Variants in NEK10 observed in about 807,000 individuals in gnomAD.
NEK10 encodes the protein serine/threonine-protein kinase Nek10.
A neutral mutation model predicts 159.8 loss-of-function variants in NEK10; 122 were observed. That is an observed-to-expected ratio of 0.76 (90% CI 0.66 to 0.89). NEK10 has a LOEUF of 0.89. Ranked by LOEUF, NEK10 falls within the 40% of genes least tolerant of loss-of-function variation. The pLI is 0.00. For synonymous variants in NEK10, 466 were observed against 457.1 expected (o/e 1.02, Z -0.25); for missense variants, 1,342 against 1,323.1 (o/e 1.01, Z -0.22).
At position 27,266,259 on chromosome 3, in the gene NEK10, G is replaced by T. The variant is rs2040883173; in HGVS notation, c.2015-9888C>A. 2.0e-5 allele frequency among the ~76,000 whole-genome samples: 3 copies of T among 152,066 alleles called. No homozygotes were observed. In the South Asian group the frequency reaches 6.2e-4, roughly 32 times the overall value. On this transcript the variant is annotated intron_variant, in intron 22 of 35. Transcript: ENST00000691995. ...ATGCTGTCTAAGAAATATTTGCCTA[G>T]CCCAATACTGCAAAGACTATATCCA...
chr3:27,228,142 C>A (rs1952830357), intron 23 of NEK10, among the ~76,000 whole-genome samples: 1 of 152,118 alleles, frequency 6.6e-6, no homozygotes, highest in African/African-American at 2.4e-5. Flanking sequence ...CTAAGAAAAA[C>A]TTTCTGTCCT....
At chr3:27,120,110 C>T (rs904884890) in intron 32 of NEK10, among the ~76,000 whole-genome samples, 2 of 152,048 alleles carry the variant, frequency 1.3e-5, no homozygotes. Context: ...AAAAAATATA[C>T]TTTATGGCCT....
intron 31 of NEK10, among the ~76,000 whole-genome samples, chr3:27,134,727 T>C (rs2125537610): frequency 6.6e-6 from 1 of 152,344 alleles, no homozygotes; most frequent in African/African-American, 2.4e-5. Context: ...TTGATCTTAC[T>C]GGAATAATTA....
intron 29 of NEK10, among the ~76,000 whole-genome samples, chr3:27,167,955 C>T (rs1377790794): frequency 6.6e-6 from 1 of 152,148 alleles, no homozygotes; most frequent in African/African-American, 2.4e-5. Context: ...AAAGCATATC[C>T]TAAGTTATTA....
intron 1 of NEK10, among the ~76,000 whole-genome samples, chr3:27,366,191 C>T (rs1291013945): frequency 1.3e-5 from 2 of 152,070 alleles, no homozygotes; most frequent in Non-Finnish European, 2.9e-5. Context: ...TGTTCACAAC[C>T]ACCCCATTTT....
rs199917774 is a variant in NEK10 at position 27,239,870 on chromosome 3, AT to A, written c.2090+16425del. Among the ~76,000 whole-genome samples the A allele has an allele frequency of 1.2e-4, 18 of 151,968 alleles. No homozygotes were observed. The South Asian group carries it at 3.5e-3, about 30-fold the overall frequency. ...CTTCAATTATATGTAGGAACACTAG[AT>A]TTTTTTTTATTTTCTGGCTATAGAA... On this transcript the variant is annotated intron_variant, in intron 23 of 35. Coordinates refer to ENST00000691995, the MANE Select transcript of NEK10 (RefSeq NM_001394966.1).
rs765940649 is a variant in NEK10, at chr3:27,304,799, C to CATTCTCA, written c.975_976insTGAGAAT (p.Val326Ter). Reference sequence around the variant, plus strand: ...ATGCCTCCCCAAATGCGAATTTCCACGCTGGTCTCAGGGTCCTCACAAACC... The same window carrying CATTCTCA: ...ATGCCTCCCCAAATGCGAATTTCCACATTCTCAGCTGGTCTCAGGGTCCTCACAAACC... On this transcript the variant is annotated stop_gained and frameshift_variant, in exon 12 of 36. Coordinates refer to ENST00000691995, the MANE Select transcript of NEK10 (RefSeq NM_001394966.1). LOFTEE classifies it high-confidence loss of function. 1.9e-5 allele frequency: 30 copies of CATTCTCA among 1,613,804 alleles called. No homozygotes were observed. In the African/African-American group the frequency reaches 3.7e-4, roughly 20 times the overall value.
At chr3:27,150,273 A>T (rs1944702876) in intron 30 of NEK10, among the ~76,000 whole-genome samples, 1 of 152,232 alleles carries the variant, frequency 6.6e-6, no homozygotes, top group South Asian at 2.1e-4. Flanking sequence ...TACACTAAAC[A>T]ATAGATTTTC....
intron 22 of NEK10, among the ~76,000 whole-genome samples, chr3:27,262,030 A>T (rs1347176540): frequency 6.6e-6 from 1 of 152,104 alleles, no homozygotes; most frequent in East Asian, 1.9e-4. Context: ...GTTTTATCAG[A>T]GACTAGGATT....
At chr3:27,162,129 T>TGG in intron 30 of NEK10, 2 of 251,968 alleles carry the variant, frequency 7.9e-6, no homozygotes, top group South Asian at 8.5e-5. Context: ...AGGTGTAGAG[T>TGG]TTACAGAAAT....
intron 22 of NEK10, among the ~76,000 whole-genome samples, chr3:27,258,166 A>G (rs961858169): frequency 1.1e-4 from 16 of 152,266 alleles, no homozygotes; most frequent in East Asian, 5.8e-4. Flanking sequence ...TAAACAGAAT[A>G]GTATGAAAGT....
Position 27,342,688 on chromosome 3 carries a change from A to C in NEK10, c.362+1584T>G, listed in dbSNP as rs572161160. 4.3e-4 allele frequency among the ~76,000 whole-genome samples: 66 copies of C among 152,254 alleles called. 2 individuals are homozygous for C. The highest frequency in any genetic ancestry group is 1.5e-5 in the Non-Finnish European group (1 of 68,002). ...AGAATTGTTGAGATCTTTTTCAACT[A>C]GTTGATGCCAACCAGTGCCCGGTTA... On this transcript the variant is annotated intron_variant, in intron 5 of 35. Transcript: ENST00000691995.
intron 1 of NEK10, among the ~76,000 whole-genome samples, chr3:27,366,363 C>T (rs985088283): frequency 6.6e-6 from 1 of 152,166 alleles, no homozygotes; most frequent in Non-Finnish European, 1.5e-5. Flanking sequence ...GAGAATAGTG[C>T]CTTTGTTTTG....
At chr3:27,243,713 C>CA (rs1283770481) in intron 23 of NEK10, among the ~76,000 whole-genome samples, 7 of 152,286 alleles carry the variant, frequency 4.6e-5, no homozygotes, top group African/African-American at 1.7e-4. Context: ...TCGAGTTCTG[C>CA]AGCTCTGTGC....
At chr3:27,132,668 T>G (rs1209852909) in intron 31 of NEK10, among the ~76,000 whole-genome samples, 1 of 152,146 alleles carries the variant, frequency 6.6e-6, no homozygotes, top group African/African-American at 2.4e-5. Context: ...GCTTTGTAGG[T>G]TGGATCTCTA....
rs1318835165 is a variant in NEK10 at position 27,304,977 on chromosome 3, A to T, written c.804-6T>A. On this transcript the variant is annotated splice_polypyrimidine_tract_variant and splice_region_variant and intron_variant, in intron 11 of 35. Transcript: ENST00000691995. ...GCAGCAACTCCGCTGTTAGTCTGAAAGGGGTACAGAGGGTGGGGTGAGAAT... is the reference window on the plus strand; with the variant it reads ...GCAGCAACTCCGCTGTTAGTCTGAATGGGGTACAGAGGGTGGGGTGAGAAT... 1 of 1,563,512 alleles carries T rather than the reference A, an allele frequency of 6.4e-7. No individual in the cohort carries two copies. The highest frequency in any genetic ancestry group is 1.1e-5 in the South Asian group (1 of 89,424).
chr3:27,354,706 A>C (rs2048208471), intron 1 of NEK10, among the ~76,000 whole-genome samples: 1 of 152,220 alleles, frequency 6.6e-6, no homozygotes, highest in African/African-American at 2.4e-5. Flanking sequence ...AAAGGCAGAC[A>C]ATGTATTAAG....
chr3:27,165,681 T>C (rs1483329540), intron 29 of NEK10, among the ~76,000 whole-genome samples: 1 of 152,198 alleles, frequency 6.6e-6, no homozygotes, highest in Non-Finnish European at 1.5e-5. Flanking sequence ...TAGTGTGACC[T>C]CATCTGGAAT....
At position 27,358,283 on chromosome 3, in the gene NEK10, CTT is replaced by C. The variant is rs572828442; in HGVS notation, c.-37-5366_-37-5365del. Among the ~76,000 whole-genome samples the C allele has an allele frequency of 8.9e-4, 136 of 152,268 alleles. 4 individuals are homozygous for C. In the South Asian group the frequency reaches 0.027, roughly 30 times the overall value. On this transcript the variant is annotated intron_variant, in intron 1 of 35. Transcript: ENST00000691995. ...CTTTAAAAACAGAAACTTTTGGTGT[CTT>C]TGCTTTTTTTGTACACCTCAGTCAT...
Sources: allele counts gnomAD v4.1 joint callset (sites outside exome capture counted in the v4.1 genomes callset), GRCh38; gene constraint gnomAD v4.1.1; transcripts MANE v1.5; gene names NCBI Gene and HGNC (gene_info 2026-07-23, HGNC 2026-07-21).